Variants in SPAG4 observed in about 807,000 individuals in gnomAD.
The protein encoded by SPAG4 is sperm associated antigen 4.
In SPAG4, 54 loss-of-function variants were observed where a neutral mutation model predicts 53.9. The observed-to-expected ratio is 1.00, with a 90% CI of 0.80 to 1.26. The LOEUF (loss-of-function observed/expected upper bound fraction) is 1.26. Ranked by LOEUF, SPAG4 falls within the 50% of genes most tolerant of loss-of-function variation. The pLI, the probability that SPAG4 is intolerant of heterozygous loss-of-function variation, is 0.00. For missense variants in SPAG4, 548 were observed against 568.6 expected (o/e 0.96, Z 0.37); for synonymous variants, 246 against 237.4 (o/e 1.04, Z -0.33).
chr20:35,618,774 T>C, intron 7 of SPAG4, 54 bp downstream of exon 7: 1 of 1,470,996 alleles, frequency 6.8e-7, no homozygotes, highest in Non-Finnish European at 9.3e-7. Context: ...CCCAGGGTCC[T>C]GAGACTTAAG....
Position 35,616,201 on chromosome 20 carries a change from G to A in SPAG4, c.198G>A (p.Val66=). The change falls in exon 1 of 12, where the codon GTG becomes GTA. Residue 66 remains valine (V), a synonymous_variant. Coordinates refer to ENST00000374273, the MANE Select transcript of SPAG4 (RefSeq NM_003116.3). ...SCGEPALSAG[V]PGGTTWAGSS... is the part of the protein sequence containing the mutation. ...GTGAGCCCGCCTTGAGCGCGGGAGT[G>A]CCCGGAGGAACCACATGGGCAGGAA... 3 of 1,586,392 alleles carry A rather than the reference G, an allele frequency of 1.9e-6. No individual in the cohort carries two copies. The highest frequency in any genetic ancestry group is 2.6e-6 in the Non-Finnish European group (3 of 1,168,372).
chr20:35,620,960 G>A lies in SPAG4; in HGVS notation c.1252G>A (p.Val418Ile), dbSNP rs1338314073. Residue 418 changes from valine (V) to isoleucine (I), a missense_variant, in exon 12 of 12, where the codon GTC becomes ATC. Transcript: ENST00000374273. Reference sequence around the variant, plus strand: ...CCCCCGTTTCACGTGCTTGTATCGAGTCCGTGCCCACGGTGTGCGAACCTC... The same window carrying A: ...CCCCCGTTTCACGTGCTTGTATCGAATCCGTGCCCACGGTGTGCGAACCTC... ...GHPRFTCLYR[V>I]RAHGVRTSEG... 2.5e-6 allele frequency: 4 copies of A among 1,614,212 alleles called. No homozygotes were observed. The East Asian group carries it at 6.7e-5, about 27-fold the overall frequency.
chr20:35,620,748 C>T lies in SPAG4; in HGVS notation c.1142C>T (p.Ser381Leu), dbSNP rs138726688. The change falls in exon 11 of 12, where the codon TCG becomes TTG. Residue 381 changes from serine (S) to leucine (L), a missense_variant. Ser to Leu is a moderately radical substitution (Grantham distance 145, BLOSUM62 -2). Coordinates refer to ENST00000374273, the MANE Select transcript of SPAG4 (RefSeq NM_003116.3). ...LGKFTFDVEK[S>L]EIQTFHLQND... is the part of the protein sequence containing the mutation. ...AAATTCACCTTCGATGTTGAGAAAT[C>T]GGAGATTCAGACTTTCCACCTGCAG... is the stretch of plus-strand genomic sequence containing the variant. 2.1e-4 allele frequency: 333 copies of T among 1,586,274 alleles called. 1 individual carries two copies. Among genetic ancestry groups the T allele is most frequent in the Admixed American group, 1.6e-3 (96 of 58,626 alleles).
rs1601404897 is a variant in SPAG4 at position 35,617,698 on chromosome 20, G to T, written c.477-81G>T. The T allele has an allele frequency of 5.7e-6, 9 of 1,566,164 alleles. No individual in the cohort carries two copies. In the East Asian group the frequency reaches 2.0e-4, roughly 35 times the overall value. On this transcript the variant is annotated intron_variant, in intron 3 of 11. Transcript: ENST00000374273. ...ATTCAGATCTGATTGAGTCATGTTG[G>T]CAAGAGCTGGGTCTAGGACCCTGGG...
intron 1 of SPAG4, 67 bp from the exon 2 acceptor site, chr20:35,617,069 C>T (rs2031410517): frequency 1.9e-6 from 2 of 1,044,746 alleles, no homozygotes; most frequent in Middle Eastern, 2.0e-4. Context: ...CAATCTGCGG[C>T]CCGGTCTCGA....
intron 3 of SPAG4, 86 bp downstream of exon 3, chr20:35,617,672 G>A: frequency 1.9e-6 from 3 of 1,569,310 alleles, no homozygotes; most frequent in Non-Finnish European, 2.6e-6. Context: ...CGCTTGAGCC[G>A]ATTCAGATCT....
chr20:35,619,112 A>ACC, intron 8 of SPAG4, 83 bp from the exon 9 acceptor site: 21 of 821,948 alleles, frequency 2.6e-5, no homozygotes, highest in East Asian at 3.6e-5. Context: ...GACAGCCCCC[A>ACC]CCCGCCCCCA....
chr20:35,618,356 C>A, intron 5 of SPAG4, 94 bp from the exon 6 acceptor site: 1 of 1,512,086 alleles, frequency 6.6e-7, no homozygotes, highest in Non-Finnish European at 9.1e-7. Flanking sequence ...GGGACACAGT[C>A]TTCAAAAAGG....
Position 35,619,728 on chromosome 20 carries a change from CCGCGATTT to C in SPAG4, c.1064_1071del (p.Asp355GlyfsTer8). The C allele has an allele frequency of 6.2e-7, 1 of 1,610,516 alleles. No individual in the cohort carries two copies. The highest frequency in any genetic ancestry group is 1.1e-5 in the South Asian group (1 of 90,978). On this transcript the variant is annotated frameshift_variant, in exon 10 of 12. Coordinates refer to ENST00000374273, the MANE Select transcript of SPAG4 (RefSeq NM_003116.3). LOFTEE classifies it high-confidence loss of function. ...ACACCGGAGGAGCCAACAGCGCCCC[CCGCGATTT>C]CGCGGTCTTTGTGAGTGCGGACGAG...
In SPAG4 at chr20:35,617,121, C is replaced by T. The variant is rs2031413421; in HGVS notation, c.305-15C>T. 1.3e-6 allele frequency: 2 copies of T among 1,556,284 alleles called. No homozygotes were observed. The highest frequency in any genetic ancestry group is 2.3e-5 in the South Asian group (2 of 85,314). On this transcript the variant is annotated splice_polypyrimidine_tract_variant and intron_variant, in intron 1 of 11. Coordinates refer to ENST00000374273, the MANE Select transcript of SPAG4 (RefSeq NM_003116.3). The stretch of plus-strand genomic sequence containing the variant: ...TGGTCCGCAAGGCCCCAGTGGAGCC[C>T]TTGGGTTCCCGCAGAACCGACTGGG...
chr20:35,618,564 C>T (rs2031462500), intron 6 of SPAG4, 48 bp from the exon 7 acceptor site: 1 of 1,599,028 alleles, frequency 6.3e-7, no homozygotes, highest in South Asian at 1.1e-5. Context: ...TGGGAGGTGT[C>T]CAGGGGGACA....
rs760722757 is a variant in SPAG4 at position 35,619,662 on chromosome 20, G to A, written c.993G>A (p.Leu331=). 1 of 1,614,034 alleles carries A rather than the reference G, an allele frequency of 6.2e-7. No individual in the cohort carries two copies. The highest frequency in any genetic ancestry group is 1.1e-5 in the South Asian group (1 of 91,088). ...VVIQLPGRVQ[L]SDITLQHPPP... The stretch of plus-strand genomic sequence containing the variant: ...TCCAACTGCCGGGCCGAGTGCAGCT[G>A]AGCGACATCACTCTGCAGCATCCAC... Residue 331 remains leucine (L), a synonymous_variant, in exon 10 of 12, where the codon CTG becomes CTA. Transcript: ENST00000374273.
At position 35,618,651 on chromosome 20, in the gene SPAG4, G is replaced by A. The variant is rs1308361058; in HGVS notation, c.648G>A (p.Leu216=). 1.3e-6 allele frequency: 2 copies of A among 1,599,114 alleles called. No homozygotes were observed. Among genetic ancestry groups the A allele is most frequent in the African/African-American group, 1.3e-5 (1 of 74,806 alleles). ...HERVRSQGQQ[L]QQLQAELDKL... is the part of the protein sequence containing the mutation. ...GCGTGCGCTCCCAGGGGCAGCAGCTGCAGCAGCTCCAGGCCGAGCTGGATA... is the reference window on the plus strand; with the variant it reads ...GCGTGCGCTCCCAGGGGCAGCAGCTACAGCAGCTCCAGGCCGAGCTGGATA... Residue 216 remains leucine (L), a synonymous_variant, in exon 7 of 12, where the codon CTG becomes CTA. Coordinates refer to ENST00000374273, the MANE Select transcript of SPAG4 (RefSeq NM_003116.3).
Position 35,615,936 on chromosome 20 carries a change from G to A in SPAG4, c.-68G>A, listed in dbSNP as rs2031354845. 8.7e-6 allele frequency: 13 copies of A among 1,498,804 alleles called. No homozygotes were observed. The highest frequency in any genetic ancestry group is 2.0e-5 in the Admixed American group (1 of 51,056). 92.8% of individuals were successfully genotyped at this position (1,498,804 alleles called of 1,614,324 possible). ...TCCCCGCGGCGCGCAGCGGCTGAAGGAGGCCCCAGGGCCTTGGCGACCGCA... is the reference window on the plus strand; with the variant it reads ...TCCCCGCGGCGCGCAGCGGCTGAAGAAGGCCCCAGGGCCTTGGCGACCGCA... On this transcript the variant is annotated 5_prime_UTR_variant, in exon 1 of 12. Coordinates refer to ENST00000374273, the MANE Select transcript of SPAG4 (RefSeq NM_003116.3).
In SPAG4 at chr20:35,619,280, C is replaced by G; in HGVS notation, c.879C>G (p.Asn293Lys). 6.2e-7 allele frequency: 1 copy of G among 1,614,108 alleles called. No individual in the cohort carries two copies. The highest frequency in any genetic ancestry group is 8.5e-7 in the Non-Finnish European group (1 of 1,179,964). ...TCTGGAATCGCTTCAGCTTCTGGAA[C>G]TACGCACGGCCGCCCACGGTTATCC... Reference protein sequence around the residue: ...AYFWNRFSFWNYARPPTVILE... With the variant: ...AYFWNRFSFWKYARPPTVILE... Residue 293 changes from asparagine to lysine, a missense_variant, in exon 9 of 12, where the codon AAC becomes AAG. Transcript: ENST00000374273.
intron 9 of SPAG4, 59 bp from the exon 10 acceptor site, chr20:35,619,520 G>A (rs1317138673): frequency 5.7e-6 from 9 of 1,584,848 alleles, no homozygotes; most frequent in Non-Finnish European, 7.8e-6. Flanking sequence ...GGCCCGGGCT[G>A]GGGAGCGGCA....
Position 35,617,835 on chromosome 20 carries a change from T to A in SPAG4, c.533T>A (p.Leu178Gln), listed in dbSNP as rs1486027883. The A allele has an allele frequency of 1.2e-6, 2 of 1,613,958 alleles. No individual in the cohort carries two copies. The highest frequency in any genetic ancestry group is 8.5e-7 in the Non-Finnish European group (1 of 1,179,954). Residue 178 changes from leucine to glutamine, a missense_variant, in exon 4 of 12, where the codon CTG becomes CAG. Physicochemically the swap from Leu to Gln is moderately radical, Grantham distance 113. Coordinates refer to ENST00000374273, the MANE Select transcript of SPAG4 (RefSeq NM_003116.3). ...FTAVSLLSLF[L>Q]SAFWLGLLYL... The stretch of plus-strand genomic sequence containing the variant: ...GCTGTGTCGCTGCTGAGCCTCTTTC[T>A]GTCAGGTGAGGGGCAGTGAATTCCC...
rs747429686 is a variant in SPAG4, at chr20:35,617,769, G to T, written c.477-10G>T. 1.2e-6 allele frequency: 2 copies of T among 1,613,764 alleles called. No homozygotes were observed. Among genetic ancestry groups the T allele is most frequent in the South Asian group, 1.1e-5 (1 of 91,082 alleles). On this transcript the variant is annotated splice_polypyrimidine_tract_variant and intron_variant, in intron 3 of 11. Transcript: ENST00000374273. The stretch of plus-strand genomic sequence containing the variant: ...CAGGTCGGGGCCTCAGCCTCCCTCC[G>T]GTTCCCCAGGGAGGTCTGTTCCATC...
intron 7 of SPAG4, 23 bp from the exon 8 acceptor site, chr20:35,618,900 G>A: frequency 1.2e-6 from 2 of 1,611,452 alleles, no homozygotes; most frequent in Non-Finnish European, 1.7e-6. Context: ...CGCCCCTCCA[G>A]GCCTCGCCCT....
Sources: gnomAD v4.1 joint callset for allele counts on GRCh38, gnomAD v4.1.1 for gene constraint, MANE v1.5 for transcripts, NCBI Gene and HGNC (gene_info 2026-07-23, HGNC 2026-07-21) for gene names.